The following FREM1 variants were observed in gnomAD, a reference collection of about 807,000 sequenced individuals.
The protein encoded by FREM1 is FRAS1-related extracellular matrix protein 1.
Under a neutral mutation model 210.1 loss-of-function variants are expected in FREM1, and 220 were observed. That is an observed-to-expected ratio of 1.05 (90% CI 0.94 to 1.17). FREM1 has a LOEUF of 1.17. FREM1 is among the 50% of genes most tolerant of loss of function. FREM1 has a pLI of 0.00. For missense variants in FREM1, 3,454 were observed against 2,675.5 expected, an observed-to-expected ratio of 1.29 and a Z score of -6.42; for synonymous variants, 1,189 against 980.2, an observed-to-expected ratio of 1.21 and a Z score of -3.98.
At chr9:14,818,128 G>A (rs963996172) in intron 14 of FREM1, among the ~76,000 whole-genome samples, 8 of 152,168 alleles carry the variant, frequency 5.3e-5, no homozygotes, top group African/African-American at 1.7e-4. Context: ...TGATTACTAT[G>A]CAGATTAAAT....
intron 29 of FREM1, among the ~76,000 whole-genome samples, chr9:14,755,898 A>G (rs1379115752): frequency 6.6e-6 from 1 of 152,240 alleles, no homozygotes; most frequent in African/African-American, 2.4e-5. Flanking sequence ...AATTTAAAAC[A>G]AAGTAAGTGC....
intron 1 of FREM1, among the ~76,000 whole-genome samples, chr9:14,873,174 C>T (rs1483659354): frequency 6.6e-6 from 1 of 152,060 alleles, no homozygotes; most frequent in Non-Finnish European, 1.5e-5. Flanking sequence ...CAGGATGATG[C>T]TGGCCTCATA....
At chr9:14,869,378 C>T (rs1832146256) in intron 1 of FREM1, 134 bp from the exon 2 acceptor site, 1 of 170,034 alleles carries the variant, frequency 5.9e-6, no homozygotes, top group Non-Finnish European at 1.3e-5. Flanking sequence ...AACAAATAAA[C>T]TAACTTGACC....
intron 7 of FREM1, among the ~76,000 whole-genome samples, chr9:14,848,025 C>A (rs559690719): frequency 6.6e-6 from 1 of 152,352 alleles, no homozygotes. Flanking sequence ...TAAGCTGCCA[C>A]CTGAGGATTT....
chr9:14,846,172 T>G (rs1005548210), intron 7 of FREM1, 81 bp from the exon 8 acceptor site: 11 of 1,154,590 alleles, frequency 9.5e-6, no homozygotes, highest in African/African-American at 1.6e-5. Context: ...TGGAATACTA[T>G]GCAGCCATAA....
chr9:14,789,003 C>A lies in FREM1; in HGVS notation c.4093G>T (p.Asp1365Tyr), dbSNP rs1308658142. The A allele has an allele frequency of 6.2e-7, 1 of 1,612,546 alleles. No individual in the cohort carries two copies. The highest frequency in any genetic ancestry group is 1.3e-5 in the African/African-American group (1 of 74,888). ...TCCCAAAGGTAGAAGGTGAAGCTAT[C>A]TTGATTCTGGGAATCCATTGCCCCG... ...HTGAMDSQNQ[D>Y]SFTFYLWDGN... is the part of the protein sequence containing the mutation. Residue 1365 changes from aspartate (D) to tyrosine (Y), a missense_variant, in exon 23 of 37, where the codon GAT (aspartate) becomes TAT (tyrosine). Coordinates refer to ENST00000380880, the MANE Select transcript of FREM1 (RefSeq NM_001379081.2).
At chr9:14,825,864 C>A (rs1353335220) in intron 10 of FREM1, among the ~76,000 whole-genome samples, 1 of 152,036 alleles carries the variant, frequency 6.6e-6, no homozygotes, top group Non-Finnish European at 1.5e-5. Flanking sequence ...TACTGGCCTA[C>A]CTTTCATAAT....
chr9:14,886,114 C>T (rs769701380), intron 1 of FREM1, among the ~76,000 whole-genome samples: 31 of 152,028 alleles, frequency 2.0e-4, no homozygotes, highest in South Asian at 6.2e-4. Flanking sequence ...CTGCTGTGTG[C>T]GGTGGCTCAC....
At chr9:14,856,499 C>T (rs1403629373) in intron 5 of FREM1, among the ~76,000 whole-genome samples, 2 of 152,084 alleles carry the variant, frequency 1.3e-5, no homozygotes, top group Non-Finnish European at 2.9e-5. Context: ...AGGAGAAATC[C>T]CAGTGAGAAG....
chr9:14,868,980 T>A lies in FREM1; in HGVS notation c.-3A>T. 1 of 1,557,444 alleles carries A rather than the reference T, an allele frequency of 6.4e-7. No homozygotes were observed. Among genetic ancestry groups the A allele is most frequent in the Non-Finnish European group, 8.7e-7 (1 of 1,153,014 alleles). On this transcript the variant is annotated 5_prime_UTR_variant, in exon 2 of 37. Transcript: ENST00000380880. ...GCCCCCCAACTCAGAGAGTTCATGC[T>A]GACAGGGCCCAACTCTTCTCTGTCC...
chr9:14,747,320 C>A lies in FREM1; in HGVS notation c.5953G>T (p.Glu1985Ter). The A allele has an allele frequency of 6.2e-7, 1 of 1,613,710 alleles. No individual in the cohort carries two copies. Among genetic ancestry groups the A allele is most frequent in the South Asian group, 1.1e-5 (1 of 91,036 alleles). Reference sequence around the variant, plus strand: ...TCCACCTTATCTGCTTGAGGCAGTTCTGCCACTTTGATTGTCTTTTGTGGC... The same window carrying A: ...TCCACCTTATCTGCTTGAGGCAGTTATGCCACTTTGATTGTCTTTTGTGGC... Reference protein sequence around the residue: ...SQPQKTIKVAELPQADKVEST... With the variant: ...SQPQKTIKVA The change falls in exon 33 of 37, where the codon GAA (glutamate) becomes TAA (stop). Residue 1985 changes from glutamate (E) to a stop codon, truncating the protein, a stop_gained. Coordinates refer to ENST00000380880, the MANE Select transcript of FREM1 (RefSeq NM_001379081.2). LOFTEE classifies it high-confidence loss of function.
chr9:14,792,099 T>C (rs1045284180), intron 22 of FREM1, among the ~76,000 whole-genome samples: 1 of 152,264 alleles, frequency 6.6e-6, no homozygotes, highest in South Asian at 2.1e-4. Flanking sequence ...CACCTTGGCC[T>C]CCCAAAGTGC....
chr9:14,864,814 G>C (rs1030821816), intron 2 of FREM1, among the ~76,000 whole-genome samples: 3 of 152,118 alleles, frequency 2.0e-5, no homozygotes. Context: ...AATTCACTCA[G>C]AGAAGACTTT....
chr9:14,823,311 A>C lies in FREM1; in HGVS notation c.2186T>G (p.Met729Arg). The change falls in exon 13 of 37, where the codon ATG becomes AGG. Residue 729 changes from methionine (M) to arginine (R), a missense_variant. Met to Arg is a moderately conservative substitution (Grantham distance 91). Transcript: ENST00000380880. ...CATGGGGGGCATGTAGGCCACTTTC[A>C]TATAGTTCACAGCATGCTGCAAAGT... ...RSFTQHAVNY[M>R]KVAYMPPMQD... 1 of 1,613,806 alleles carries C rather than the reference A, an allele frequency of 6.2e-7. No individual in the cohort carries two copies. Among genetic ancestry groups the C allele is most frequent in the Non-Finnish European group, 8.5e-7 (1 of 1,179,742 alleles).
At chr9:14,890,290 A>C (rs1304404177) in intron 1 of FREM1, among the ~76,000 whole-genome samples, 4 of 152,254 alleles carry the variant, frequency 2.6e-5, no homozygotes, top group African/African-American at 9.6e-5. Context: ...TTCCTTCCTT[A>C]GATTTCCAAT....
chr9:14,760,033 T>C (rs1379332305), intron 27 of FREM1, 132 bp from the exon 28 acceptor site: 1 of 563,380 alleles, frequency 1.8e-6, no homozygotes, highest in Non-Finnish European at 3.0e-6. Context: ...TAAGACTTAT[T>C]TGACACATTT....
Position 14,792,948 on chromosome 9 carries a change from T to C in FREM1, c.3840-64A>G, listed in dbSNP as rs1323778252. On this transcript the variant is annotated intron_variant, in intron 21 of 36. Coordinates refer to ENST00000380880, the MANE Select transcript of FREM1 (RefSeq NM_001379081.2). ...AAGATATTCCTTTAGTAGGGGACACTTATATTGACTATCACAGTTCCCAAT... is the reference window on the plus strand; with the variant it reads ...AAGATATTCCTTTAGTAGGGGACACCTATATTGACTATCACAGTTCCCAAT... The C allele has an allele frequency of 7.0e-6, 7 of 1,004,174 alleles. No homozygotes were observed. In the Admixed American group the frequency reaches 1.8e-4, roughly 25 times the overall value. 62.2% of individuals were successfully genotyped at this position (1,004,174 alleles called of 1,614,324 possible). A position where few individuals can be genotyped will look rare whatever the true frequency, so the allele number is the denominator to read the frequency against.
intron 35 of FREM1, 94 bp downstream of exon 35, chr9:14,746,259 T>C (rs1563816923): frequency 2.2e-6 from 2 of 904,288 alleles, no homozygotes; most frequent in Non-Finnish European, 3.5e-6. Context: ...CACTCAATAC[T>C]TGTTGAATGA....
At chr9:14,771,839 T>C (rs576047826) in intron 25 of FREM1, among the ~76,000 whole-genome samples, 7 of 152,290 alleles carry the variant, frequency 4.6e-5, no homozygotes, top group African/African-American at 1.7e-4. Context: ...GAATTGATGA[T>C]GAAAAATTTC....
Sources: allele counts gnomAD v4.1 joint callset (sites outside exome capture counted in the v4.1 genomes callset), GRCh38; gene constraint gnomAD v4.1.1; transcripts MANE v1.5; gene names NCBI Gene and HGNC (gene_info 2026-07-23, HGNC 2026-07-21).